The following UNC13C variants were observed in gnomAD, a reference collection of about 807,000 sequenced individuals.
UNC13C encodes protein unc-13 homolog C.
Under a neutral mutation model 245.4 loss-of-function variants are expected in UNC13C, and 174 were observed. The observed-to-expected ratio is 0.71, with a 90% CI of 0.63 to 0.80. The LOEUF (loss-of-function observed/expected upper bound fraction) is 0.80. Ranked by LOEUF, UNC13C falls within the 30% of genes least tolerant of loss-of-function variation. The pLI is 0.00. For missense variants in UNC13C, 2,829 were observed against 2,602.9 expected, an observed-to-expected ratio of 1.09 and a Z score of -1.89; for synonymous variants, 992 against 895.1, an observed-to-expected ratio of 1.11 and a Z score of -1.93.
chr15:54,576,709 C>T (rs1201254243), intron 30 of UNC13C, among the ~76,000 whole-genome samples: 1 of 152,198 alleles, frequency 6.6e-6, no homozygotes, highest in Non-Finnish European at 1.5e-5. Context: ...CCCTGTCTCC[C>T]TCTTCTCCCC....
chr15:53,991,202 C>A (rs925154182), intron 1 of UNC13C, among the ~76,000 whole-genome samples: 5 of 151,878 alleles, frequency 3.3e-5, no homozygotes, highest in African/African-American at 1.2e-4. Context: ...TATGTATATG[C>A]AGATTGGAAT....
At chr15:54,455,205 C>CTCTCTCTCTATATATA (rs1388065398) in intron 19 of UNC13C, among the ~76,000 whole-genome samples, 10 of 18,956 alleles carry the variant, frequency 5.3e-4, no homozygotes, top group Non-Finnish European at 6.5e-4. Context: ...CTCTCTCTCT[C>CTCTCTCTCTATATATA]TATATATATA....
chr15:54,091,655 T>C (rs1202951717), intron 2 of UNC13C, among the ~76,000 whole-genome samples: 1 of 152,206 alleles, frequency 6.6e-6, no homozygotes, highest in Non-Finnish European at 1.5e-5. Context: ...TTGTATTTTC[T>C]AACAGGATAT....
intron 30 of UNC13C, among the ~76,000 whole-genome samples, chr15:54,619,532 C>A (rs185623127): frequency 6.6e-6 from 1 of 152,266 alleles, no homozygotes; most frequent in Non-Finnish European, 1.5e-5. Context: ...TGACCATTCA[C>A]CTGCTTTGAA....
chr15:54,592,676 G>T (rs564921078), intron 30 of UNC13C, among the ~76,000 whole-genome samples: 16 of 152,110 alleles, frequency 1.1e-4, no homozygotes, highest in Non-Finnish European at 1.8e-4. Context: ...TTAAGTTTAT[G>T]TGAGCCCTTA....
chr15:54,588,827 T>C (rs1898621280), intron 30 of UNC13C, among the ~76,000 whole-genome samples: 2 of 152,236 alleles, frequency 1.3e-5, no homozygotes, highest in Admixed American at 6.5e-5. Context: ...CATTCCTTTT[T>C]ATGGCTCAGT....
chr15:54,013,362 C>T lies in UNC13C; in HGVS notation c.459C>T (p.Asn153=), dbSNP rs756552134. The part of the protein sequence containing the change: ...QSTHTMPVRR[N]RKSSSSLAPS... ...CACACACAATGCCAGTTAGACGCAA[C>T]AGAAAGAGTTCAAGCAGCCTTGCAC... The change falls in exon 2 of 33, where the codon AAC becomes AAT. Residue 153 remains asparagine, a synonymous_variant. Transcript: ENST00000260323. The T allele has an allele frequency of 1.2e-6, 2 of 1,613,850 alleles. No individual in the cohort carries two copies. Among genetic ancestry groups the T allele is most frequent in the South Asian group, 2.2e-5 (2 of 91,088 alleles).
rs1049660164 is a variant in UNC13C, at chr15:54,198,670, A to G, written c.3072-36360A>G. 3.3e-5 allele frequency among the ~76,000 whole-genome samples: 5 copies of G among 152,274 alleles called. No homozygotes were observed. In the South Asian group the frequency reaches 6.2e-4, roughly 19 times the overall value. On this transcript the variant is annotated intron_variant, in intron 4 of 32. Coordinates refer to ENST00000260323, the MANE Select transcript of UNC13C (RefSeq NM_001080534.3). ...CTCCTAGGGGAAGTAGGAGAGCACCACATCAAGGGAGCACTCCGTGGGACA... is the reference window on the plus strand; with the variant it reads ...CTCCTAGGGGAAGTAGGAGAGCACCGCATCAAGGGAGCACTCCGTGGGACA...
intron 8 of UNC13C, among the ~76,000 whole-genome samples, 193 bp downstream of exon 8, chr15:54,250,637 G>A (rs1472362254): frequency 1.3e-5 from 2 of 151,704 alleles, no homozygotes; most frequent in African/African-American, 2.4e-5. Context: ...GGAGCTAGGT[G>A]CTATTAGAAT....
chr15:54,629,976 C>T (rs937275000), downstream of UNC13C: 4 of 152,050 alleles, frequency 2.6e-5, no homozygotes, highest in African/African-American at 9.7e-5. Context: ...ACAAGTATTC[C>T]CGTTGTCTTC....
At chr15:53,863,632 G>T in the UNC13C span, among the ~76,000 whole-genome samples, 2 of 152,238 alleles carry the variant, frequency 1.3e-5, no homozygotes, top group East Asian at 1.9e-4. Context: ...TAGCCAAAAG[G>T]ATTGATAATT....
chr15:54,020,152 A>G (rs1367957292), intron 2 of UNC13C, among the ~76,000 whole-genome samples: 1 of 152,226 alleles, frequency 6.6e-6, no homozygotes, highest in Non-Finnish European at 1.5e-5. Context: ...ACACATTTGA[A>G]GAGCACTACT....
chr15:54,169,286 C>T (rs538163550), intron 4 of UNC13C, among the ~76,000 whole-genome samples: 13 of 152,272 alleles, frequency 8.5e-5, no homozygotes, highest in South Asian at 4.1e-4. Context: ...GATGGCTATA[C>T]GTTTACATTT....
At chr15:54,231,428 T>C (rs2035548189) in intron 4 of UNC13C, among the ~76,000 whole-genome samples, 2 of 152,170 alleles carry the variant, frequency 1.3e-5, no homozygotes, top group South Asian at 4.1e-4. Context: ...AGTCATAAAC[T>C]GTGGGCTCAA....
intron 24 of UNC13C, among the ~76,000 whole-genome samples, chr15:54,518,430 TA>T (rs148132338): frequency 0.012 from 1,902 of 152,188 alleles, 34 homozygotes; most frequent in African/African-American, 0.044. Flanking sequence ...CTCTGAACCT[TA>T]AGAAAACTTA....
chr15:53,855,408 T>C, the UNC13C span, among the ~76,000 whole-genome samples: 1 of 152,204 alleles, frequency 6.6e-6, no homozygotes, highest in Admixed American at 6.5e-5. Context: ...TTTTGCCCAT[T>C]CGCTATGATA....
At chr15:54,602,808 G>A (rs749410905) in intron 30 of UNC13C, among the ~76,000 whole-genome samples, 14 of 17,808 alleles carry the variant, frequency 7.9e-4, no homozygotes, top group Non-Finnish European at 1.3e-3. Flanking sequence ...AGTTTTTCAT[G>A]CCCAAGATTG....
At chr15:54,253,363 C>A (rs1296269497) in intron 8 of UNC13C, among the ~76,000 whole-genome samples, 1 of 152,102 alleles carries the variant, frequency 6.6e-6, no homozygotes, top group East Asian at 1.9e-4. Flanking sequence ...CATCTAACAC[C>A]CTCTCTAGCT....
chr15:54,152,228 C>T (rs966430338), intron 4 of UNC13C, among the ~76,000 whole-genome samples: 1 of 152,156 alleles, frequency 6.6e-6, no homozygotes, highest in Non-Finnish European at 1.5e-5. Flanking sequence ...AGTGCTGGTA[C>T]TCACTTCTGG....
Sources: gnomAD v4.1 joint callset for allele counts (sites outside exome capture counted in the v4.1 genomes callset) on GRCh38, gnomAD v4.1.1 for gene constraint, MANE v1.5 for transcripts, NCBI Gene and HGNC (gene_info 2026-07-23, HGNC 2026-07-21) for gene names.